The following C4orf33 variants were observed in gnomAD, a reference collection of about 807,000 sequenced individuals.
C4orf33 encodes the protein chromosome 4 open reading frame 33.
In C4orf33, 20 loss-of-function variants were observed where a neutral mutation model predicts 24.3. The ratio of observed to expected loss-of-function variants is 0.82; its 90% CI spans 0.58 to 1.19. The LOEUF (loss-of-function observed/expected upper bound fraction) is 1.19. Among genes scored for constraint, C4orf33 ranks in the 50% most tolerant of loss-of-function variants. The pLI is 0.00. For synonymous variants in C4orf33, 67 were observed against 76.4 expected (o/e 0.88, Z 0.64); for missense variants, 207 against 225.9 (o/e 0.92, Z 0.54).
At chr4:129,107,998 G>A (rs995669062) in intron 3 of C4orf33, among the ~76,000 whole-genome samples, 1 of 151,976 alleles carries the variant, frequency 6.6e-6, no homozygotes, top group Non-Finnish European at 1.5e-5. Flanking sequence ...GGTTTCTTAT[G>A]TATCAGGATA....
At chr4:129,101,409 C>T (rs1178464820) in intron 1 of C4orf33, among the ~76,000 whole-genome samples, 2 of 151,806 alleles carry the variant, frequency 1.3e-5, no homozygotes, top group Non-Finnish European at 2.9e-5. Context: ...AAAGAAGTTA[C>T]AGTTTGGAAA....
At position 129,109,408 on chromosome 4, in the gene C4orf33, C is replaced by T. The variant is rs771536546; in HGVS notation, c.294+50C>T. ...AAATCATTACGTACACAGTAATACA[C>T]ATATTTCTATGTTTAAAGTGTAAGC... On this transcript the variant is annotated intron_variant, in intron 4 of 5. Coordinates refer to ENST00000425929, the MANE Select transcript of C4orf33 (RefSeq NM_001099783.2). 3.2e-6 allele frequency: 5 copies of T among 1,582,274 alleles called. No individual in the cohort carries two copies. The South Asian group carries it at 4.4e-5, about 14-fold the overall frequency.
chr4:129,103,251 C>T (rs1297635150), intron 2 of C4orf33, among the ~76,000 whole-genome samples: 1 of 151,888 alleles, frequency 6.6e-6, no homozygotes, highest in Non-Finnish European at 1.5e-5. Flanking sequence ...GATCTCCTGA[C>T]CACGTGATCT....
At position 129,115,013 on chromosome 4, in the gene C4orf33, A is replaced by G. The variant is rs1481598613; in HGVS notation, c.*3222A>G. The G allele has an allele frequency of 6.6e-6, 1 of 152,206 alleles. No homozygotes were observed. Among genetic ancestry groups the G allele is most frequent in the Non-Finnish European group, 1.5e-5 (1 of 68,050 alleles). The allele number at this position is 152,206 out of a possible 1,614,324, so 9.4% of individuals were successfully genotyped here. A position where few individuals can be genotyped will look rare whatever the true frequency, so the allele number is the denominator to read the frequency against. ...AAGGTCTAGGTCACCTCACCATTCA[A>G]ACCACTTGAAACTACTGAAGAGTTT... is the stretch of plus-strand genomic sequence containing the variant. On this transcript the variant is annotated 3_prime_UTR_variant, in exon 6 of 6. Transcript: ENST00000425929.
chr4:129,111,897 A>G lies in C4orf33; in HGVS notation c.*106A>G. On this transcript the variant is annotated 3_prime_UTR_variant, in exon 6 of 6. Transcript: ENST00000425929. ...TGTCATGCATACATTTCAACAACAAATATCTTCATAGAAGTCACTGAAAAT... is the reference window on the plus strand; with the variant it reads ...TGTCATGCATACATTTCAACAACAAGTATCTTCATAGAAGTCACTGAAAAT... The G allele has an allele frequency of 1.7e-6, 1 of 579,188 alleles. No individual in the cohort carries two copies. 35.9% of individuals were successfully genotyped at this position (579,188 alleles called of 1,614,324 possible). A position where few individuals can be genotyped will look rare whatever the true frequency, so the allele number is the denominator to read the frequency against.
chr4:129,101,765 T>A (rs908425086), intron 1 of C4orf33, among the ~76,000 whole-genome samples: 16 of 152,216 alleles, frequency 1.1e-4, no homozygotes, highest in African/African-American at 3.9e-4. Context: ...CTTAGAATAC[T>A]AATTTAAAAT....
intron 1 of C4orf33, among the ~76,000 whole-genome samples, chr4:129,096,499 T>C (rs1753211792): frequency 6.6e-6 from 1 of 152,174 alleles, no homozygotes; most frequent in Non-Finnish European, 1.5e-5. Flanking sequence ...TGCAGATCAT[T>C]TGGTTGAGAA....
upstream of C4orf33, among the ~76,000 whole-genome samples, chr4:129,095,465 A>G (rs1173804545): frequency 1.3e-5 from 2 of 152,244 alleles, no homozygotes; most frequent in Admixed American, 1.3e-4. Context: ...ATTAGTATAA[A>G]TTGAATACAA....
At chr4:129,098,723 A>T (rs1753270805) in intron 1 of C4orf33, among the ~76,000 whole-genome samples, 1 of 152,240 alleles carries the variant, frequency 6.6e-6, no homozygotes, top group South Asian at 2.1e-4. Flanking sequence ...AGCTGTATAC[A>T]TACAATTCCC....
chr4:129,111,605 A>G, intron 5 of C4orf33, 81 bp from the exon 6 acceptor site: 1 of 769,026 alleles, frequency 1.3e-6, no homozygotes, highest in Non-Finnish European at 2.2e-6. Flanking sequence ...CAGTTGTGAC[A>G]AAATAAATAG....
intron 2 of C4orf33, 77 bp from the exon 3 acceptor site, chr4:129,106,510 A>T (rs1753521530): frequency 2.7e-6 from 2 of 728,732 alleles, no homozygotes; most frequent in Non-Finnish European, 4.5e-6. Context: ...TTCATTTTAT[A>T]TTCTAAAGGA....
At chr4:129,096,757 C>G (rs1753219127) in intron 1 of C4orf33, among the ~76,000 whole-genome samples, 1 of 152,034 alleles carries the variant, frequency 6.6e-6, no homozygotes, top group Non-Finnish European at 1.5e-5. Context: ...TTAAGAAAGT[C>G]TAAACAGCCA....
chr4:129,113,500 A>G lies in C4orf33; in HGVS notation c.*1709A>G, dbSNP rs1370023072. The G allele has an allele frequency of 6.6e-6, 1 of 152,192 alleles. No homozygotes were observed. Among genetic ancestry groups the G allele is most frequent in the African/African-American group, 2.4e-5 (1 of 41,436 alleles). 9.4% of individuals were successfully genotyped at this position (152,192 alleles called of 1,614,324 possible). ...ATAGCCATTTCAAATTTGTTTTTCA[A>G]CTTCAGGACCATGAAAGAATAATCA... On this transcript the variant is annotated 3_prime_UTR_variant, in exon 6 of 6. Coordinates refer to ENST00000425929, the MANE Select transcript of C4orf33 (RefSeq NM_001099783.2).
intron 2 of C4orf33, among the ~76,000 whole-genome samples, chr4:129,104,122 A>C (rs1218464173): frequency 2.6e-5 from 4 of 152,208 alleles, no homozygotes; most frequent in Non-Finnish European, 5.9e-5. Context: ...GGTACTAACA[A>C]TACATTAAAT....
rs540528271 is a variant in C4orf33, at chr4:129,116,518, C to T, written c.*4727C>T. On this transcript the variant is annotated 3_prime_UTR_variant, in exon 6 of 6. Coordinates refer to ENST00000425929, the MANE Select transcript of C4orf33 (RefSeq NM_001099783.2). ...TGAAAGCCCATGTTTGTAATAATGCCCTAAAGCACTGCAGTACCTAGAGTA... is the reference window on the plus strand; with the variant it reads ...TGAAAGCCCATGTTTGTAATAATGCTCTAAAGCACTGCAGTACCTAGAGTA... 1 of 152,136 alleles carries T rather than the reference C, an allele frequency of 6.6e-6. No individual in the cohort carries two copies. Among genetic ancestry groups the T allele is most frequent in the Admixed American group, 6.5e-5 (1 of 15,276 alleles). The allele number at this position is 152,136 out of a possible 1,614,324, so 9.4% of individuals were successfully genotyped here.
chr4:129,111,006 C>G (rs911041049), intron 5 of C4orf33, among the ~76,000 whole-genome samples: 2 of 152,140 alleles, frequency 1.3e-5, no homozygotes, highest in Non-Finnish European at 2.9e-5. Flanking sequence ...TCAGCTAATA[C>G]CTTCCTATAT....
At chr4:129,099,687 A>T (rs1300714831) in intron 1 of C4orf33, among the ~76,000 whole-genome samples, 1 of 152,212 alleles carries the variant, frequency 6.6e-6, no homozygotes, top group Non-Finnish European at 1.5e-5. Context: ...GAGGTGAAGG[A>T]CATTGACAAT....
chr4:129,102,464 T>C, intron 1 of C4orf33, 138 bp from the exon 2 acceptor site: 1 of 559,218 alleles, frequency 1.8e-6, no homozygotes, highest in Non-Finnish European at 3.0e-6. Context: ...AGATAGCCTT[T>C]TGACTCCCAG....
rs1753615953 is a variant in C4orf33, at chr4:129,109,344, AG to A, written c.281del (p.Arg94LysfsTer36). On this transcript the variant is annotated frameshift_variant, in exon 4 of 6. Transcript: ENST00000425929. LOFTEE classifies it high-confidence loss of function. ...TTTAGTGCTTTTACTTTCTGGAAGA[AG>A]AAATGTGTGGAAAGTAAGTAAATAA... Reference protein sequence around the residue: ...QHLVLLLSGRRNVWKQELPLS... With the variant: ...QHLVLLLSGRXNVWKQELPLS... 1.2e-6 allele frequency: 2 copies of A among 1,614,110 alleles called. No individual in the cohort carries two copies. Among genetic ancestry groups the A allele is most frequent in the Non-Finnish European group, 1.7e-6 (2 of 1,179,906 alleles).
Sources: gnomAD v4.1 joint callset for allele counts (sites outside exome capture counted in the v4.1 genomes callset) on GRCh38, gnomAD v4.1.1 for gene constraint, MANE v1.5 for transcripts, NCBI Gene and HGNC (gene_info 2026-07-23, HGNC 2026-07-21) for gene names.